The following JAKMIP2 variants were observed in gnomAD, a reference collection of about 807,000 sequenced individuals.
The protein encoded by JAKMIP2 is janus kinase and microtubule interacting protein 2, also known as janus kinase and microtubule-interacting protein 2.
A neutral mutation model predicts 115.0 loss-of-function variants in JAKMIP2; 25 were observed. The ratio of observed to expected loss-of-function variants is 0.22; its 90% CI spans 0.16 to 0.30. JAKMIP2 has a LOEUF of 0.30. JAKMIP2 is among the 10% of genes least tolerant of loss of function. The probability of loss-of-function intolerance (pLI) is 1.00; values close to 1 mark genes in which losing one functional copy is unlikely to be tolerated. For synonymous variants in JAKMIP2, 334 were observed against 343.6 expected (o/e 0.97, Z 0.31); for missense variants, 642 against 957.6 (o/e 0.67, Z 4.35).
intron 1 of JAKMIP2, among the ~76,000 whole-genome samples, chr5:147,711,511 A>G (rs1467753555): frequency 6.6e-6 from 1 of 152,216 alleles, no homozygotes; most frequent in Non-Finnish European, 1.5e-5. Flanking sequence ...GACAGCCTAA[A>G]GAGAGAGGCA....
At chr5:147,644,526 GT>G (rs1385779142) in intron 6 of JAKMIP2, among the ~76,000 whole-genome samples, 1 of 152,152 alleles carries the variant, frequency 6.6e-6, no homozygotes, top group Non-Finnish European at 1.5e-5. Flanking sequence ...TGTGCCTGGG[GT>G]ATAGGTCTGT....
chr5:147,607,045 G>C (rs1052061082), intron 20 of JAKMIP2, among the ~76,000 whole-genome samples: 5 of 152,216 alleles, frequency 3.3e-5, no homozygotes, highest in African/African-American at 1.2e-4. Context: ...GTTTGCTGAA[G>C]TTGCTTATCA....
chr5:147,702,656 GAAAGAAA>G (rs1185753637), intron 1 of JAKMIP2, among the ~76,000 whole-genome samples: 4 of 116,218 alleles, frequency 3.4e-5, no homozygotes, highest in Non-Finnish European at 6.8e-5. Context: ...AAGAAAGAAA[GAAAGAAA>G]GAGAGAGAAA....
intron 1 of JAKMIP2, among the ~76,000 whole-genome samples, chr5:147,753,858 G>T (rs868784928): frequency 4.0e-5 from 6 of 150,734 alleles, no homozygotes; most frequent in Middle Eastern, 3.2e-3. Context: ...ATAGCTAAAG[G>T]TTCCACTAGG....
intron 1 of JAKMIP2, among the ~76,000 whole-genome samples, chr5:147,706,871 A>G (rs1752579133): frequency 6.6e-6 from 1 of 152,170 alleles, no homozygotes; most frequent in Admixed American, 6.6e-5. Context: ...CTGTATCTCC[A>G]TTGGTCAGAT....
At chr5:147,683,536 G>T (rs1178468689) in intron 1 of JAKMIP2, among the ~76,000 whole-genome samples, 1 of 151,968 alleles carries the variant, frequency 6.6e-6, no homozygotes, top group Non-Finnish European at 1.5e-5. Flanking sequence ...AAAATCCCTA[G>T]CATGTAAAGT....
intron 3 of JAKMIP2, among the ~76,000 whole-genome samples, chr5:147,657,956 T>C (rs1397261508): frequency 6.6e-6 from 1 of 152,090 alleles, no homozygotes; most frequent in Non-Finnish European, 1.5e-5. Flanking sequence ...AACATGCTCC[T>C]TTAGCTCACA....
chr5:147,744,828 G>C lies in JAKMIP2; in HGVS notation c.-149+37628C>G, dbSNP rs146989302. 3.2e-3 allele frequency among the ~76,000 whole-genome samples: 493 copies of C among 152,196 alleles called. 1 individual carries two copies. Among genetic ancestry groups the C allele is most frequent in the African/African-American group, 0.011 (475 of 41,518 alleles). ...TAATCCCAGCACTTTGGGAGGCCAA[G>C]GTGGGCAGATCATGAGGTCAAGAGA... On this transcript the variant is annotated intron_variant, in intron 1 of 21. Transcript: ENST00000616793.
intron 2 of JAKMIP2, among the ~76,000 whole-genome samples, chr5:147,663,064 G>A (rs756396048): frequency 2.6e-5 from 4 of 152,002 alleles, no homozygotes; most frequent in Admixed American, 6.6e-5. Context: ...GAGTGATATC[G>A]AGTCTCCACC....
intron 3 of JAKMIP2, among the ~76,000 whole-genome samples, chr5:147,651,378 C>T (rs1012750785): frequency 1.3e-5 from 2 of 152,106 alleles, no homozygotes; most frequent in African/African-American, 4.8e-5. Context: ...TGGAATGAAA[C>T]CTTTTTGCCA....
In JAKMIP2 at chr5:147,706,630, C is replaced by G. The variant is rs547709937; in HGVS notation, c.-148-34676G>C. On this transcript the variant is annotated intron_variant, in intron 1 of 21. Coordinates refer to ENST00000616793, the MANE Select transcript of JAKMIP2 (RefSeq NM_001270941.2). ...AATCTTTGTATATTCTACCATTTATCCTAAAAATTATGATCTACCCAAATA... is the reference window on the plus strand; with the variant it reads ...AATCTTTGTATATTCTACCATTTATGCTAAAAATTATGATCTACCCAAATA... Among the ~76,000 whole-genome samples the G allele has an allele frequency of 1.1e-3, 168 of 152,180 alleles. 1 individual carries two copies. The highest frequency in any genetic ancestry group is 3.4e-3 in the Middle Eastern group (1 of 294).
chr5:147,620,183 C>T (rs971172664), intron 18 of JAKMIP2, among the ~76,000 whole-genome samples: 1 of 152,222 alleles, frequency 6.6e-6, no homozygotes, highest in Admixed American at 6.5e-5. Context: ...AAGCCTTGAC[C>T]TCCCAGGCTC....
chr5:147,640,877 G>A, intron 8 of JAKMIP2, 54 bp from the exon 9 acceptor site: 1 of 1,557,210 alleles, frequency 6.4e-7, no homozygotes. Flanking sequence ...AGGGAAAGTT[G>A]AACGTTAAAA....
At chr5:147,630,650 T>C (rs1179670932) in intron 14 of JAKMIP2, among the ~76,000 whole-genome samples, 2 of 152,086 alleles carry the variant, frequency 1.3e-5, no homozygotes, top group East Asian at 3.9e-4. Flanking sequence ...CTCAATCTCA[T>C]AAGTACAGAG....
rs1256188879 is a variant in JAKMIP2 at position 147,586,354 on chromosome 5, G to T, written c.*5353C>A. 1 of 152,178 alleles carries T rather than the reference G, an allele frequency of 6.6e-6. No homozygotes were observed. The highest frequency in any genetic ancestry group is 1.5e-5 in the Non-Finnish European group (1 of 68,050). 9.4% of individuals were successfully genotyped at this position (152,178 alleles called of 1,614,324 possible). A position where few individuals can be genotyped will look rare whatever the true frequency, so the allele number is the denominator to read the frequency against. On this transcript the variant is annotated 3_prime_UTR_variant, in exon 22 of 22. Coordinates refer to ENST00000616793, the MANE Select transcript of JAKMIP2 (RefSeq NM_001270941.2). ...ATTTTGATCTGCCTCATTGTGGGAAGTTGCTATGGTTAATGGCTGGTATAG... is the reference window on the plus strand; with the variant it reads ...ATTTTGATCTGCCTCATTGTGGGAATTTGCTATGGTTAATGGCTGGTATAG...
chr5:147,713,073 ATAACG>A lies in JAKMIP2; in HGVS notation c.-148-41124_-148-41120del, dbSNP rs1276504776. Among the ~76,000 whole-genome samples the A allele has an allele frequency of 7.9e-5, 12 of 152,338 alleles. No individual in the cohort carries two copies. In the East Asian group the frequency reaches 2.3e-3, roughly 29 times the overall value. ...TAAATAAGCCACATCCTGAATATTA[ATAACG>A]TATTGTGTAAAATTCATTAGATACA... On this transcript the variant is annotated intron_variant, in intron 1 of 21. Transcript: ENST00000616793.
intron 1 of JAKMIP2, among the ~76,000 whole-genome samples, chr5:147,712,392 G>T (rs1046721940): frequency 2.0e-5 from 3 of 152,136 alleles, no homozygotes; most frequent in Admixed American, 6.5e-5. Context: ...ATGTGATAGT[G>T]CCTTTTTAAA....
chr5:147,688,637 T>C lies in JAKMIP2; in HGVS notation c.-148-16683A>G, dbSNP rs574527736. Among the ~76,000 whole-genome samples the C allele has an allele frequency of 1.4e-4, 21 of 152,284 alleles. No homozygotes were observed. In the South Asian group the frequency reaches 1.7e-3, roughly 12 times the overall value. ...GCTCAGTGTTGGTAAGCAATGGAGA[T>C]AGGATTTAATCTAAGCTGTTAGACT... On this transcript the variant is annotated intron_variant, in intron 1 of 21. Coordinates refer to ENST00000616793, the MANE Select transcript of JAKMIP2 (RefSeq NM_001270941.2).
intron 1 of JAKMIP2, among the ~76,000 whole-genome samples, chr5:147,728,728 T>C (rs10477346): frequency 0.018 from 2,725 of 152,354 alleles, 90 homozygotes; most frequent in African/African-American, 0.061. Flanking sequence ...ATAAGATTAT[T>C]GGTAAAATTT....
Sources: allele counts gnomAD v4.1 joint callset (sites outside exome capture counted in the v4.1 genomes callset), GRCh38; gene constraint gnomAD v4.1.1; transcripts MANE v1.5; gene names NCBI Gene and HGNC (gene_info 2026-07-23, HGNC 2026-07-21).